APBB1IP: variants seen among roughly 807,000 people sequenced by gnomAD.
APBB1IP encodes the protein amyloid beta precursor protein binding family B member 1 interacting protein.
A neutral mutation model predicts 64.9 loss-of-function variants in APBB1IP; 27 were observed. That is an observed-to-expected ratio of 0.42 (90% CI 0.31 to 0.57). APBB1IP has a LOEUF of 0.57. Among genes scored for constraint, APBB1IP ranks in the 20% least tolerant of loss-of-function variants. The pLI is 0.20. For missense variants in APBB1IP, 812 were observed against 845.5 expected (o/e 0.96, Z 0.49); for synonymous variants, 392 against 331.0 (o/e 1.18, Z -2.00).
chr10:26,450,764 A>G lies in APBB1IP; in HGVS notation c.-1+11911A>G, dbSNP rs1835456898. Among the ~76,000 whole-genome samples, 3 of 149,542 alleles carry G rather than the reference A, an allele frequency of 2.0e-5. No homozygotes were observed. The South Asian group carries it at 6.3e-4, about 31-fold the overall frequency. The stretch of plus-strand genomic sequence containing the variant: ...AGGCTGGAGTACAATGGCTCAATCT[A>G]AGCTCACTGCAACCTCTGCCTCCTG... On this transcript the variant is annotated intron_variant, in intron 2 of 14. Coordinates refer to ENST00000376236, the MANE Select transcript of APBB1IP (RefSeq NM_019043.4).
At chr10:26,510,010 C>G (rs1836232554) in intron 6 of APBB1IP, among the ~76,000 whole-genome samples, 2 of 152,132 alleles carry the variant, frequency 1.3e-5, no homozygotes, top group Non-Finnish European at 2.9e-5. Flanking sequence ...CGCTCCACCC[C>G]CCATGCTGGA....
intron 2 of APBB1IP, among the ~76,000 whole-genome samples, chr10:26,441,726 G>A (rs1389548824): frequency 6.6e-6 from 1 of 152,106 alleles, no homozygotes; most frequent in African/African-American, 2.4e-5. Context: ...CACATATTCT[G>A]GAGCTTGATT....
At chr10:26,557,931 G>A (rs557776502) in intron 11 of APBB1IP, among the ~76,000 whole-genome samples, 1 of 152,258 alleles carries the variant, frequency 6.6e-6, no homozygotes, top group East Asian at 1.9e-4. Context: ...AAGAGAAGTG[G>A]AGAGGTCCAT....
chr10:26,561,350 G>C (rs567017044), intron 13 of APBB1IP, among the ~76,000 whole-genome samples: 2 of 147,494 alleles, frequency 1.4e-5, no homozygotes, highest in African/African-American at 5.0e-5. Flanking sequence ...TTACAGGCGT[G>C]AACCATTGCA....
intron 3 of APBB1IP, among the ~76,000 whole-genome samples, chr10:26,494,977 TG>T (rs1473457876): frequency 1.3e-5 from 2 of 151,858 alleles, no homozygotes; most frequent in African/African-American, 4.8e-5. Context: ...GGTGTTAGGA[TG>T]GCAACCATAT....
At chr10:26,527,552 A>G (rs1836490383) in intron 8 of APBB1IP, among the ~76,000 whole-genome samples, 1 of 150,960 alleles carries the variant, frequency 6.6e-6, no homozygotes, top group Non-Finnish European at 1.5e-5. Flanking sequence ...CAAAAAAAAA[A>G]AAAAAAGAAA....
intron 2 of APBB1IP, among the ~76,000 whole-genome samples, chr10:26,452,456 C>T (rs1835475656): frequency 6.6e-6 from 1 of 152,194 alleles, no homozygotes; most frequent in Non-Finnish European, 1.5e-5. Flanking sequence ...AAACATATTA[C>T]CAAGGAAGCC....
intron 11 of APBB1IP, among the ~76,000 whole-genome samples, chr10:26,559,859 A>T (rs1322703180): frequency 6.6e-6 from 1 of 151,910 alleles, no homozygotes; most frequent in Non-Finnish European, 1.5e-5. Flanking sequence ...GGCCAGGCTC[A>T]TCTCGAACTC....
At chr10:26,468,160 T>G (rs962649567) in intron 2 of APBB1IP, among the ~76,000 whole-genome samples, 5 of 152,224 alleles carry the variant, frequency 3.3e-5, no homozygotes, top group African/African-American at 1.2e-4. Flanking sequence ...TCCTTGCTCA[T>G]GCTCTTAATA....
At position 26,567,225 on chromosome 10, in the gene APBB1IP, C is replaced by T; in HGVS notation, c.1738C>T (p.Pro580Ser). 3 of 1,366,190 alleles carry T rather than the reference C, an allele frequency of 2.2e-6. No homozygotes were observed. The highest frequency in any genetic ancestry group is 2.8e-6 in the Non-Finnish European group (3 of 1,060,870). 84.6% of individuals were successfully genotyped at this position (1,366,190 alleles called of 1,614,324 possible). The change falls in exon 15 of 15, where the codon CCA becomes TCA. Residue 580 changes from proline to serine, a missense_variant. Physicochemically the swap from Pro to Ser is moderately conservative, Grantham distance 74. Coordinates refer to ENST00000376236, the MANE Select transcript of APBB1IP (RefSeq NM_019043.4). The stretch of plus-strand genomic sequence containing the variant: ...GCCCCCGGACTTCATGGAGCCGCCC[C>T]CAGACTTCGTGCCCCCGCCCCCGCC... ...PPPPDFMEPP[P>S]DFVPPPPPSY... is the part of the protein sequence containing the mutation.
intron 8 of APBB1IP, among the ~76,000 whole-genome samples, chr10:26,520,805 CA>C (rs1394034530): frequency 1.3e-5 from 2 of 152,166 alleles, no homozygotes; most frequent in South Asian, 4.1e-4. Context: ...TCCTACCTCA[CA>C]AAATCAAATC....
Position 26,480,965 on chromosome 10 carries a change from A to G in APBB1IP, c.1-11362A>G, listed in dbSNP as rs138492938. ...GATAAACAGAGTATTTTCTATTTGT[A>G]TCTCTTCAAAAAATTCTAAATTGCA... On this transcript the variant is annotated intron_variant, in intron 2 of 14. Coordinates refer to ENST00000376236, the MANE Select transcript of APBB1IP (RefSeq NM_019043.4). Among the ~76,000 whole-genome samples, 103 of 152,270 alleles carry G rather than the reference A, an allele frequency of 6.8e-4. 1 individual carries two copies. Among genetic ancestry groups the G allele is most frequent in the Middle Eastern group, 3.4e-3 (1 of 294 alleles).
At chr10:26,447,695 C>A (rs1835417018) in intron 2 of APBB1IP, among the ~76,000 whole-genome samples, 1 of 152,080 alleles carries the variant, frequency 6.6e-6, no homozygotes, top group Non-Finnish European at 1.5e-5. Context: ...TTCCTTGGTG[C>A]CACATTAGAA....
At chr10:26,500,738 A>G in intron 4 of APBB1IP, 81 bp from the exon 5 acceptor site, 4 of 1,343,898 alleles carry the variant, frequency 3.0e-6, no homozygotes, top group Non-Finnish European at 4.1e-6. Context: ...CTACTCAAAT[A>G]TTATGCTTAA....
chr10:26,488,144 T>C (rs763992298), intron 2 of APBB1IP, among the ~76,000 whole-genome samples: 9 of 152,210 alleles, frequency 5.9e-5, no homozygotes, highest in Non-Finnish European at 8.8e-5. Context: ...TAAAAACCCA[T>C]GACAAGATTT....
At chr10:26,450,954 C>T (rs1835459150) in intron 2 of APBB1IP, among the ~76,000 whole-genome samples, 1 of 152,060 alleles carries the variant, frequency 6.6e-6, no homozygotes, top group African/African-American at 2.4e-5. Context: ...CCTCGTCCTC[C>T]CAAAGTGTTG....
chr10:26,525,034 A>C (rs1836456040), intron 8 of APBB1IP, among the ~76,000 whole-genome samples: 2 of 145,708 alleles, frequency 1.4e-5, no homozygotes, highest in South Asian at 4.4e-4. Context: ...CACACCTGTA[A>C]TCCCAGCACT....
At chr10:26,471,022 T>C (rs1053806029) in intron 2 of APBB1IP, among the ~76,000 whole-genome samples, 21 of 152,202 alleles carry the variant, frequency 1.4e-4, no homozygotes, top group African/African-American at 4.1e-4. Context: ...GCACTTCACA[T>C]GCATTAACTT....
At chr10:26,507,211 G>A (rs1378273057) in intron 6 of APBB1IP, among the ~76,000 whole-genome samples, 3 of 152,004 alleles carry the variant, frequency 2.0e-5, no homozygotes, top group African/African-American at 7.2e-5. Flanking sequence ...GGTCATAAAG[G>A]GCCAGGCACA....
Sources: gnomAD v4.1 joint callset for allele counts (sites outside exome capture counted in the v4.1 genomes callset) on GRCh38, gnomAD v4.1.1 for gene constraint, MANE v1.5 for transcripts, NCBI Gene and HGNC (gene_info 2026-07-23, HGNC 2026-07-21) for gene names.